Variants in IVD observed in about 807,000 individuals in gnomAD.
IVD encodes isovaleryl-CoA dehydrogenase.
Under a neutral mutation model 51.3 loss-of-function variants are expected in IVD, and 31 were observed. The ratio of observed to expected loss-of-function variants is 0.60; its 90% CI spans 0.45 to 0.81. IVD has a LOEUF of 0.81. Among genes scored for constraint, IVD ranks in the 40% least tolerant of loss-of-function variants. IVD has a pLI of 0.00. For synonymous variants in IVD, 205 were observed against 219.4 expected (o/e 0.93, Z 0.58); for missense variants, 475 against 552.0 (o/e 0.86, Z 1.40).
rs1892187348 is a variant in IVD, at chr15:40,420,362, A to G, written c.*2099A>G. The G allele has an allele frequency of 2.0e-6, 2 of 987,588 alleles. No individual in the cohort carries two copies. Among genetic ancestry groups the G allele is most frequent in the Middle Eastern group, 2.8e-4 (1 of 3,568 alleles). The allele number at this position is 987,588 out of a possible 1,614,324, so 61.2% of individuals were successfully genotyped here. ...TGACTCCAGCTGAGGCTGCCTGTGT[A>G]CATTTCTCCAGATACCCTATGGCTA... On this transcript the variant is annotated 3_prime_UTR_variant, in exon 12 of 12. Transcript: ENST00000487418.
chr15:40,433,751 A>T (rs945183352), intron 7 of IVD: 1 of 421,694 alleles, frequency 2.4e-6, no homozygotes, highest in African/African-American at 2.0e-5. Context: ...ACCAAGCATT[A>T]TTAGGCAACT....
intron 6 of IVD, 186 bp from the exon 7 acceptor site, chr15:40,412,805 G>T: frequency 6.6e-6 from 4 of 601,570 alleles, no homozygotes; most frequent in Non-Finnish European, 1.2e-5. Context: ...GGCAGAGGAG[G>T]CTGGGATCAA....
downstream of IVD, among the ~76,000 whole-genome samples, chr15:40,423,485 A>T (rs573869314): frequency 1.4e-4 from 22 of 152,236 alleles, no homozygotes; most frequent in African/African-American, 5.1e-4. Flanking sequence ...TTTAAGACGG[A>T]ATCTTGCGCT....
At chr15:40,408,644 A>G (rs1890720947) in intron 3 of IVD, among the ~76,000 whole-genome samples, 1 of 152,092 alleles carries the variant, frequency 6.6e-6, no homozygotes, top group African/African-American at 2.4e-5. Context: ...ACTGGCTTGC[A>G]GTGCCCGGTA....
Position 40,415,438 on chromosome 15 carries a change from C to T in IVD, c.916C>T (p.Leu306=). The stretch of plus-strand genomic sequence containing the variant: ...GGTCCTGGACCACACCATTCCCTAC[C>T]TGCACGTGAGGGAAGCCTTTGGCCA... ...QAVLDHTIPY[L]HVREAFGQKI... is the part of the protein sequence containing the mutation. Residue 306 remains leucine, a synonymous_variant, in exon 9 of 12, where the codon CTG becomes TTG. Coordinates refer to ENST00000487418, the MANE Select transcript of IVD (RefSeq NM_002225.5). The T allele has an allele frequency of 6.2e-7, 1 of 1,614,224 alleles. No homozygotes were observed. Among genetic ancestry groups the T allele is most frequent in the Non-Finnish European group, 8.5e-7 (1 of 1,180,034 alleles).
downstream of IVD, among the ~76,000 whole-genome samples, chr15:40,428,320 A>G (rs556312311): frequency 5.3e-5 from 8 of 151,718 alleles, no homozygotes; most frequent in African/African-American, 1.9e-4. Context: ...CAGAATCACC[A>G]CCTAGATATT....
downstream of IVD, among the ~76,000 whole-genome samples, chr15:40,422,638 C>T: frequency 9.1e-6 from 1 of 109,854 alleles, no homozygotes; most frequent in African/African-American, 3.7e-5. Flanking sequence ...CTCACTTTGT[C>T]ATCTAGGCTG....
In IVD at chr15:40,419,215, A is replaced by G. The variant is rs1892042573; in HGVS notation, c.*952A>G. ...TATCAGCTCCTAGCAGCTTATGAACACATATGCTTGCTTGGCCAGGCAAGG... is the reference window on the plus strand; with the variant it reads ...TATCAGCTCCTAGCAGCTTATGAACGCATATGCTTGCTTGGCCAGGCAAGG... On this transcript the variant is annotated 3_prime_UTR_variant, in exon 12 of 12. Coordinates refer to ENST00000487418, the MANE Select transcript of IVD (RefSeq NM_002225.5). 4 of 1,289,250 alleles carry G rather than the reference A, an allele frequency of 3.1e-6. No individual in the cohort carries two copies. Among genetic ancestry groups the G allele is most frequent in the Admixed American group, 2.3e-5 (1 of 43,554 alleles). The allele number at this position is 1,289,250 out of a possible 1,614,324, so 79.9% of individuals were successfully genotyped here. A position where few individuals can be genotyped will look rare whatever the true frequency, so the allele number is the denominator to read the frequency against.
chr15:40,406,846 G>A (rs1003224619), intron 1 of IVD, among the ~76,000 whole-genome samples: 9 of 151,826 alleles, frequency 5.9e-5, no homozygotes, highest in Admixed American at 2.6e-4. Flanking sequence ...CTGGCAAGAG[G>A]AGTTTCTTTT....
intron 4 of IVD, 108 bp from the exon 5 acceptor site, chr15:40,411,150 TGA>T: frequency 1.9e-6 from 2 of 1,073,492 alleles, no homozygotes; most frequent in Non-Finnish European, 2.9e-6. Flanking sequence ...CACCCTGGTC[TGA>T]GAGCGAAGTT....
In IVD at chr15:40,420,913, G is replaced by A. The variant is rs991990761; in HGVS notation, c.*2650G>A. ...TCCGAGTTCCAAAAAGAGGGAACTG[G>A]TTTTCTTGGTTCTCAGCCCAGCAGC... On this transcript the variant is annotated 3_prime_UTR_variant, in exon 12 of 12. Transcript: ENST00000487418. 11 of 985,488 alleles carry A rather than the reference G, an allele frequency of 1.1e-5. No individual in the cohort carries two copies. The highest frequency in any genetic ancestry group is 1.2e-5 in the Non-Finnish European group (10 of 830,078). 61.0% of individuals were successfully genotyped at this position (985,488 alleles called of 1,614,324 possible).
rs1011750847 is a variant in IVD, at chr15:40,418,724, G to C, written c.*461G>C. The C allele has an allele frequency of 2.7e-6, 3 of 1,104,180 alleles. No individual in the cohort carries two copies. Among genetic ancestry groups the C allele is most frequent in the Admixed American group, 4.8e-5 (1 of 20,910 alleles). 68.4% of individuals were successfully genotyped at this position (1,104,180 alleles called of 1,614,324 possible). A position where few individuals can be genotyped will look rare whatever the true frequency, so the allele number is the denominator to read the frequency against. ...GAATCATGGCCCCTCTCCATGAATT[G>C]GAACTTGGTACAGGTTAAGTATCCC... On this transcript the variant is annotated 3_prime_UTR_variant, in exon 12 of 12. Transcript: ENST00000487418.
At position 40,415,409 on chromosome 15, in the gene IVD, A is replaced by T. The variant is rs1595786862; in HGVS notation, c.887A>T (p.Gln296Leu). The change falls in exon 9 of 12, where the codon CAA (glutamine) becomes CTA (leucine). Residue 296 changes from glutamine to leucine, a missense_variant. By Grantham distance (113) the Gln-to-Leu change is moderately radical. Coordinates refer to ENST00000487418, the MANE Select transcript of IVD (RefSeq NM_002225.5). ...VLAGGPLGLM[Q>L]AVLDHTIPYL... ...TTTCTCCTTTCTGACAGGCTCATGC[A>T]AGCGGTCCTGGACCACACCATTCCC... The T allele has an allele frequency of 2.5e-6, 4 of 1,614,128 alleles. No homozygotes were observed. The highest frequency in any genetic ancestry group is 3.4e-6 in the Non-Finnish European group (4 of 1,179,988).
In IVD at chr15:40,416,350, A is replaced by G; in HGVS notation, c.1126A>G (p.Ile376Val). Reference protein sequence around the residue: ...ECATQVALDGIQCFGGNGYIN... With the variant: ...ECATQVALDGVQCFGGNGYIN... ...TGCCACACAGGTAGCCCTGGACGGC[A>G]TTCAGTGTTTTGGTGAGTGATCCCC... Residue 376 changes from isoleucine (I) to valine (V), a missense_variant, in exon 11 of 12, where the codon ATT (isoleucine) becomes GTT (valine). Ile to Val is a conservative substitution (Grantham distance 29, BLOSUM62 3). Coordinates refer to ENST00000487418, the MANE Select transcript of IVD (RefSeq NM_002225.5). 6.2e-7 allele frequency: 1 copy of G among 1,614,054 alleles called. No homozygotes were observed. The highest frequency in any genetic ancestry group is 8.5e-7 in the Non-Finnish European group (1 of 1,180,032).
At position 40,420,402 on chromosome 15, in the gene IVD, G is replaced by A. The variant is rs1357677453; in HGVS notation, c.*2139G>A. ...CCCTATGGCTAATTTTGTTATAACT[G>A]CACAGTGGCTGCTGCCATTTTGTAT... is the stretch of plus-strand genomic sequence containing the variant. On this transcript the variant is annotated 3_prime_UTR_variant, in exon 12 of 12. Coordinates refer to ENST00000487418, the MANE Select transcript of IVD (RefSeq NM_002225.5). 6 of 987,544 alleles carry A rather than the reference G, an allele frequency of 6.1e-6. No individual in the cohort carries two copies. The highest frequency in any genetic ancestry group is 7.2e-6 in the Non-Finnish European group (6 of 830,128). 61.2% of individuals were successfully genotyped at this position (987,544 alleles called of 1,614,324 possible). A position where few individuals can be genotyped will look rare whatever the true frequency, so the allele number is the denominator to read the frequency against.
At chr15:40,431,924 CA>C (rs780270519) in intron 7 of IVD, among the ~76,000 whole-genome samples, 6 of 149,734 alleles carry the variant, frequency 4.0e-5, no homozygotes, top group Non-Finnish European at 8.9e-5. Context: ...ATAATATTCA[CA>C]AATCAAGGGG....
At chr15:40,435,116 T>C (rs1723807096) in intron 8 of IVD, among the ~76,000 whole-genome samples, 1 of 152,222 alleles carries the variant, frequency 6.6e-6, no homozygotes, top group South Asian at 2.1e-4. Flanking sequence ...GAGAAACCAA[T>C]ATAGGATGTC....
chr15:40,415,012 G>C (rs377475367), intron 8 of IVD, 30 bp downstream of exon 8: 30 of 1,611,446 alleles, frequency 1.9e-5, no homozygotes, highest in South Asian at 1.7e-4. Context: ...GGGAAGCTGG[G>C]CTCTGTCGGC....
chr15:40,415,179 A>T (rs1297512892), intron 8 of IVD, 197 bp downstream of exon 8: 1 of 759,590 alleles, frequency 1.3e-6, no homozygotes, highest in African/African-American at 1.7e-5. Context: ...ATTAAGTAAC[A>T]GACAAAAGGC....
Sources: gnomAD v4.1 joint callset for allele counts (sites outside exome capture counted in the v4.1 genomes callset) on GRCh38, gnomAD v4.1.1 for gene constraint, MANE v1.5 for transcripts, NCBI Gene and HGNC (gene_info 2026-07-23, HGNC 2026-07-21) for gene names.